Variants in CWC27 observed in about 807,000 individuals in gnomAD.
The protein encoded by CWC27 is CWC27 spliceosome associated cyclophilin, also known as spliceosome-associated protein CWC27 homolog.
A neutral mutation model predicts 63.6 loss-of-function variants in CWC27; 47 were observed. That is an observed-to-expected ratio of 0.74 (90% CI 0.58 to 0.94). The LOEUF is 0.94. CWC27 is among the 40% of genes least tolerant of loss of function. The pLI is 0.00. For synonymous variants in CWC27, 175 were observed against 179.8 expected (o/e 0.97, Z 0.22); for missense variants, 495 against 554.3 (o/e 0.89, Z 1.07).
intron 11 of CWC27, among the ~76,000 whole-genome samples, chr5:64,926,891 T>C (rs2112397009): frequency 6.6e-6 from 1 of 152,310 alleles, no homozygotes; most frequent in Middle Eastern, 3.4e-3. Context: ...GTAATAGCAA[T>C]ATTTATGGAA....
chr5:64,788,115 A>T (rs1743947219), intron 6 of CWC27, among the ~76,000 whole-genome samples: 1 of 152,104 alleles, frequency 6.6e-6, no homozygotes, highest in Non-Finnish European at 1.5e-5. Context: ...TTTGATTTTT[A>T]AAAATTCTTT....
chr5:64,826,093 A>ATCTATCTG (rs1445240010), intron 10 of CWC27, among the ~76,000 whole-genome samples: 1 of 151,880 alleles, frequency 6.6e-6, no homozygotes, highest in Non-Finnish European at 1.5e-5. Context: ...CTATCTATCT[A>ATCTATCTG]TCTATCTATC....
intron 12 of CWC27, among the ~76,000 whole-genome samples, chr5:64,972,421 C>G (rs1372092406): frequency 6.6e-6 from 1 of 152,072 alleles, no homozygotes; most frequent in Non-Finnish European, 1.5e-5. Flanking sequence ...ATCTCTTAAG[C>G]AGCCCTTCAT....
intron 13 of CWC27, among the ~76,000 whole-genome samples, chr5:64,981,867 GT>G (rs1353098430): frequency 6.6e-6 from 1 of 152,182 alleles, no homozygotes; most frequent in Non-Finnish European, 1.5e-5. Context: ...AAGTAGTCTT[GT>G]TCTTGGTTCT....
chr5:64,920,442 T>C lies in CWC27; in HGVS notation c.1042+34896T>C, dbSNP rs149794513. On this transcript the variant is annotated intron_variant, in intron 11 of 13. Coordinates refer to ENST00000381070, the MANE Select transcript of CWC27 (RefSeq NM_005869.4). ...ATTGTCCTGAAGTTTTCTCTTTTCA[T>C]TGTGTCTCTGCTAGGCTTTGGTATC... is the stretch of plus-strand genomic sequence containing the variant. Among the ~76,000 whole-genome samples the C allele has an allele frequency of 9.3e-3, 1,412 of 152,300 alleles. 17 individuals are homozygous for C. The highest frequency in any genetic ancestry group is 0.033 in the African/African-American group (1,355 of 41,566).
rs116070832 is a variant in CWC27 at position 64,785,781 on chromosome 5, T to A, written c.495+202T>A. Among the ~76,000 whole-genome samples, 571 of 152,292 alleles carry A rather than the reference T, an allele frequency of 3.7e-3. 3 individuals carry two copies. The highest frequency in any genetic ancestry group is 0.013 in the African/African-American group (545 of 41,572). ...TTTAATTCAAAGATGAAACTTTATC[T>A]GATAATCCAATGACTGAAAAGCTTA... On this transcript the variant is annotated intron_variant, in intron 5 of 13. Transcript: ENST00000381070.
Position 64,782,043 on chromosome 5 carries a change from AATTATTATTTTT to A in CWC27, c.252+23_252+34del, listed in dbSNP as rs903628482. 3.2e-6 allele frequency: 4 copies of A among 1,258,668 alleles called. No individual in the cohort carries two copies. The highest frequency in any genetic ancestry group is 4.5e-6 in the Non-Finnish European group (4 of 896,900). 78.0% of individuals were successfully genotyped at this position (1,258,668 alleles called of 1,614,324 possible). On this transcript the variant is annotated intron_variant, in intron 3 of 13. Transcript: ENST00000381070. The stretch of plus-strand genomic sequence containing the variant: ...TGGAGCGCCATTCAAAGTAAGACTG[AATTATTATTTTT>A]ATTATTATTTTTGTTGTTATTATTA...
At chr5:64,940,169 A>G (rs889781976) in intron 11 of CWC27, among the ~76,000 whole-genome samples, 1 of 152,130 alleles carries the variant, frequency 6.6e-6, no homozygotes, top group African/African-American at 2.4e-5. Context: ...GGGTATGAAA[A>G]AAAACCTCCT....
intron 11 of CWC27, among the ~76,000 whole-genome samples, chr5:64,957,352 A>G (rs1748822069): frequency 6.6e-6 from 1 of 152,180 alleles, no homozygotes; most frequent in African/African-American, 2.4e-5. Flanking sequence ...TGGCAGGGCA[A>G]CATGGAAATG....
chr5:64,799,930 TA>T (rs1287921901), intron 7 of CWC27, among the ~76,000 whole-genome samples: 1 of 152,108 alleles, frequency 6.6e-6, no homozygotes, highest in Non-Finnish European at 1.5e-5. Context: ...TTCTAAGTTA[TA>T]GGGGTCATAA....
chr5:64,832,658 T>A (rs1003778582), intron 10 of CWC27, among the ~76,000 whole-genome samples: 1 of 151,544 alleles, frequency 6.6e-6, no homozygotes, highest in East Asian at 1.9e-4. Flanking sequence ...AAAATTAATA[T>A]TTTTTTTACT....
intron 10 of CWC27, among the ~76,000 whole-genome samples, chr5:64,851,966 T>G (rs1186232968): frequency 6.6e-6 from 1 of 152,178 alleles, no homozygotes; most frequent in African/African-American, 2.4e-5. Context: ...TTCAATTAAG[T>G]TCTTGAAACC....
intron 11 of CWC27, among the ~76,000 whole-genome samples, chr5:64,893,595 A>G (rs1747295400): frequency 6.6e-6 from 1 of 152,214 alleles, no homozygotes; most frequent in Admixed American, 6.5e-5. Context: ...GATAATCCCT[A>G]AATTATATTA....
chr5:64,882,542 T>C (rs1304157451), intron 10 of CWC27, among the ~76,000 whole-genome samples: 1 of 152,208 alleles, frequency 6.6e-6, no homozygotes, highest in African/African-American at 2.4e-5. Context: ...AAATTGGTAA[T>C]ATTTTGGATA....
At chr5:64,987,523 T>G (rs935228479) in intron 13 of CWC27, among the ~76,000 whole-genome samples, 2 of 152,206 alleles carry the variant, frequency 1.3e-5, no homozygotes, top group Non-Finnish European at 2.9e-5. Flanking sequence ...TATTTACCAT[T>G]CATGTTACTC....
rs181008732 is a variant in CWC27 at position 64,885,338 on chromosome 5, T to A, written c.939-105T>A. 43 of 680,942 alleles carry A rather than the reference T, an allele frequency of 6.3e-5. 1 individual carries two copies. The East Asian group carries it at 1.2e-3, about 19-fold the overall frequency. 42.2% of individuals were successfully genotyped at this position (680,942 alleles called of 1,614,324 possible). A position where few individuals can be genotyped will look rare whatever the true frequency, so the allele number is the denominator to read the frequency against. ...GAAACAAAATGAATGAATTACATTA[T>A]TCACTTTATTTTTCTTAGATGTAGT... On this transcript the variant is annotated intron_variant, in intron 10 of 13. Transcript: ENST00000381070.
intron 10 of CWC27, among the ~76,000 whole-genome samples, chr5:64,854,017 T>C (rs908787997): frequency 6.6e-6 from 1 of 152,222 alleles, no homozygotes; most frequent in Non-Finnish European, 1.5e-5. Flanking sequence ...ACTTTCTGTT[T>C]CTATTAATTC....
At chr5:65,017,086 C>T (rs1561190255) in intron 13 of CWC27, among the ~76,000 whole-genome samples, 1 of 152,036 alleles carries the variant, frequency 6.6e-6, no homozygotes, top group African/African-American at 2.4e-5. Flanking sequence ...CTTTGGGAGG[C>T]CGAGGCGGGC....
intron 10 of CWC27, among the ~76,000 whole-genome samples, chr5:64,826,076 A>AATCTATCTGTCTGTCT (rs1554070972): frequency 1.2e-4 from 18 of 148,316 alleles, no homozygotes; most frequent in Non-Finnish European, 1.2e-4. Context: ...CTTTGTAATA[A>AATCTATCTGTCTGTCT]ATCTATCTAT....
Sources: gnomAD v4.1 joint callset for allele counts (sites outside exome capture counted in the v4.1 genomes callset) on GRCh38, gnomAD v4.1.1 for gene constraint, MANE v1.5 for transcripts, NCBI Gene and HGNC (gene_info 2026-07-23, HGNC 2026-07-21) for gene names.